RFX3: variants seen among roughly 807,000 people sequenced by gnomAD.
The protein encoded by RFX3 is regulatory factor X3.
In RFX3, 14 loss-of-function variants were observed where a neutral mutation model predicts 98.6. That is an observed-to-expected ratio of 0.14 (90% CI 0.09 to 0.22). The LOEUF is 0.22. RFX3 is among the 10% of genes least tolerant of loss of function. The probability of loss-of-function intolerance (pLI) is 1.00; values close to 1 mark genes in which losing one functional copy is unlikely to be tolerated. For missense variants in RFX3, 639 were observed against 926.9 expected (o/e 0.69, Z 4.03); for synonymous variants, 383 against 328.4 (o/e 1.17, Z -1.80).
intron 2 of RFX3, among the ~76,000 whole-genome samples, chr9:3,355,671 T>C (rs1835664312): frequency 6.6e-6 from 1 of 151,760 alleles, no homozygotes; most frequent in Non-Finnish European, 1.5e-5. Context: ...ATACAGAAAT[T>C]ATCAATCAAC....
chr9:3,429,082 GC>G (rs1844391317), intron 1 of RFX3, among the ~76,000 whole-genome samples: 2 of 150,356 alleles, frequency 1.3e-5, no homozygotes, highest in African/African-American at 2.5e-5. Context: ...GAGTGCGGTG[GC>G]GCGATCTCGG....
chr9:3,270,316 C>T, intron 11 of RFX3, 55 bp downstream of exon 11: 1 of 1,525,800 alleles, frequency 6.6e-7, no homozygotes, highest in Non-Finnish European at 8.8e-7. Context: ...CTCAAAACTT[C>T]CTGGGTGGAA....
In RFX3 at chr9:3,417,509, A is replaced by C. The variant is rs377242602; in HGVS notation, c.-8-21913T>G. Among the ~76,000 whole-genome samples, 121 of 152,258 alleles carry C rather than the reference A, an allele frequency of 7.9e-4. 3 individuals are homozygous for C. In the South Asian group the frequency reaches 0.024, roughly 31 times the overall value. ...TCACAAAAGAATTAAGTTAAAAATC[A>C]GTAACAAAAATAAAAAGCAAATCAA... On this transcript the variant is annotated intron_variant, in intron 1 of 16. Coordinates refer to ENST00000617270, the MANE Select transcript of RFX3 (RefSeq NM_001282116.2).
At chr9:3,320,721 T>C (rs185496916) in intron 4 of RFX3, among the ~76,000 whole-genome samples, 171 of 132,408 alleles carry the variant, frequency 1.3e-3, no homozygotes, top group African/African-American at 4.8e-3. Flanking sequence ...TATACATACA[T>C]ACACACACAT....
intron 1 of RFX3, among the ~76,000 whole-genome samples, chr9:3,437,793 G>C (rs368030133): frequency 2.0e-5 from 3 of 151,958 alleles, no homozygotes; most frequent in African/African-American, 7.2e-5. Flanking sequence ...CTTACCTGCA[G>C]AAACCACAAG....
chr9:3,342,852 G>A (rs188523242), intron 3 of RFX3, among the ~76,000 whole-genome samples: 57 of 152,256 alleles, frequency 3.7e-4, no homozygotes, highest in Non-Finnish European at 7.4e-4. Flanking sequence ...AAAAACTACT[G>A]CAAGGAAATA....
At chr9:3,467,281 T>C (rs1482858486) in intron 1 of RFX3, among the ~76,000 whole-genome samples, 6 of 146,088 alleles carry the variant, frequency 4.1e-5, no homozygotes, top group South Asian at 2.1e-4. Context: ...CATACATATA[T>C]ATACATATAT....
Position 3,508,956 on chromosome 9 carries a change from G to GAC in RFX3, c.-9+16789_-9+16790dup, listed in dbSNP as rs373440025. Among the ~76,000 whole-genome samples, 1,077 of 147,810 alleles carry GAC rather than the reference G, an allele frequency of 7.3e-3. 12 individuals carry two copies. The highest frequency in any genetic ancestry group is 0.064 in the East Asian group (326 of 5,096). The stretch of plus-strand genomic sequence containing the variant: ...GATTTACTTCTAATTGTAAAACACA[G>GAC]ACACACACACACACACACACAGAAA... On this transcript the variant is annotated intron_variant, in intron 1 of 16. Coordinates refer to ENST00000617270, the MANE Select transcript of RFX3 (RefSeq NM_001282116.2).
chr9:3,491,348 T>C (rs1850703122), intron 1 of RFX3, among the ~76,000 whole-genome samples: 1 of 152,170 alleles, frequency 6.6e-6, no homozygotes, highest in South Asian at 2.1e-4. Flanking sequence ...CGAAAAGAAT[T>C]TGGCAATTTT....
chr9:3,507,953 C>A (rs1482129149), intron 1 of RFX3, among the ~76,000 whole-genome samples: 1 of 150,030 alleles, frequency 6.7e-6, no homozygotes, highest in African/African-American at 2.4e-5. Context: ...GGACATGAGA[C>A]TATAAGCTTC....
At chr9:3,338,593 G>A (rs1833479854) in intron 3 of RFX3, among the ~76,000 whole-genome samples, 1 of 152,112 alleles carries the variant, frequency 6.6e-6, no homozygotes, top group South Asian at 2.1e-4. Flanking sequence ...AGTGCCTGTT[G>A]CAACACAGAG....
At chr9:3,251,489 A>G (rs545934642) in intron 14 of RFX3, among the ~76,000 whole-genome samples, 1 of 151,960 alleles carries the variant, frequency 6.6e-6, no homozygotes, top group Admixed American at 6.6e-5. Flanking sequence ...ACTTGCTACC[A>G]TGCTCAGCTA....
At chr9:3,400,251 G>A (rs2132014712) in intron 1 of RFX3, 1 of 976,594 alleles carries the variant, frequency 1.0e-6, no homozygotes, top group Non-Finnish European at 1.2e-6. Context: ...GAGACAGGAA[G>A]AAAAGAAAAA....
intron 1 of RFX3, among the ~76,000 whole-genome samples, chr9:3,448,282 T>A (rs1049004626): frequency 6.6e-6 from 1 of 152,176 alleles, no homozygotes; most frequent in Non-Finnish European, 1.5e-5. Flanking sequence ...CTCTTAAAAA[T>A]GATCCTTTCC....
rs1196375948 is a variant in RFX3 at position 3,248,296 on chromosome 9, T to C, written c.1815-111A>G. On this transcript the variant is annotated intron_variant, in intron 14 of 16. Coordinates refer to ENST00000617270, the MANE Select transcript of RFX3 (RefSeq NM_001282116.2). Reference sequence around the variant, plus strand: ...AAGCTGGGAGTCTATATGGTTGGTATAGTATAAAACCTGCCATGAAAGCAT... The same window carrying C: ...AAGCTGGGAGTCTATATGGTTGGTACAGTATAAAACCTGCCATGAAAGCAT... 7 of 1,364,566 alleles carry C rather than the reference T, an allele frequency of 5.1e-6. No homozygotes were observed. The South Asian group carries it at 6.2e-5, about 12-fold the overall frequency. 84.5% of individuals were successfully genotyped at this position (1,364,566 alleles called of 1,614,324 possible). A position where few individuals can be genotyped will look rare whatever the true frequency, so the allele number is the denominator to read the frequency against.
chr9:3,340,753 A>G (rs1307588324), intron 3 of RFX3, among the ~76,000 whole-genome samples: 24 of 152,184 alleles, frequency 1.6e-4, no homozygotes, highest in Non-Finnish European at 7.3e-5. Context: ...CTCAGGAAAC[A>G]ACAGGTGCTG....
intron 1 of RFX3, among the ~76,000 whole-genome samples, chr9:3,473,083 T>G (rs542851100): frequency 1.3e-5 from 2 of 152,320 alleles, no homozygotes; most frequent in South Asian, 4.1e-4. Context: ...CGATTCAGCA[T>G]GCCAGAGTCT....
intron 5 of RFX3, among the ~76,000 whole-genome samples, chr9:3,295,289 A>T (rs552281000): frequency 1.3e-5 from 2 of 152,178 alleles, no homozygotes; most frequent in Non-Finnish European, 2.9e-5. Context: ...TAAAATCCTG[A>T]TTCATATATT....
At chr9:3,500,940 T>A (rs1815933277) in intron 1 of RFX3, among the ~76,000 whole-genome samples, 1 of 152,198 alleles carries the variant, frequency 6.6e-6, no homozygotes, top group African/African-American at 2.4e-5. Flanking sequence ...ACCCTGTCAA[T>A]ACTATTAACT....
Sources: gnomAD v4.1 joint callset for allele counts (sites outside exome capture counted in the v4.1 genomes callset) on GRCh38, gnomAD v4.1.1 for gene constraint, MANE v1.5 for transcripts, NCBI Gene and HGNC (gene_info 2026-07-23, HGNC 2026-07-21) for gene names.